AKT3: variants seen among roughly 807,000 people sequenced by gnomAD.
The protein encoded by AKT3 is RAC-gamma serine/threonine-protein kinase.
In AKT3, 15 loss-of-function variants were observed where a neutral mutation model predicts 65.3. The observed-to-expected ratio is 0.23, with a 90% CI of 0.15 to 0.35. The LOEUF (loss-of-function observed/expected upper bound fraction) is 0.35, where lower values mean the gene tolerates loss of function less well. Ranked by LOEUF, AKT3 falls within the 10% of genes least tolerant of loss-of-function variation. The pLI is 1.00. For missense variants in AKT3, 243 were observed against 576.5 expected, an observed-to-expected ratio of 0.42 and a Z score of 5.92; for synonymous variants, 206 against 183.8, an observed-to-expected ratio of 1.12 and a Z score of -0.98.
Position 243,632,704 on chromosome 1 carries a change from T to C in AKT3, c.561+4907A>G, listed in dbSNP as rs563942712. ...TACATGGAAAATCTGTGGTTTCGTG[T>C]AGTCATCTTCACCAATTATTTAGCT... On this transcript the variant is annotated intron_variant, in intron 6 of 13. Transcript: ENST00000673466. Among the ~76,000 whole-genome samples the C allele has an allele frequency of 3.2e-4, 48 of 152,338 alleles. 1 individual carries two copies. The highest frequency in any genetic ancestry group is 1.0e-3 in the African/African-American group (43 of 41,582).
At chr1:243,528,428 T>C (rs1671302306) in intron 12 of AKT3, among the ~76,000 whole-genome samples, 1 of 152,170 alleles carries the variant, frequency 6.6e-6, no homozygotes, top group African/African-American at 2.4e-5. Flanking sequence ...ACCCAGATAA[T>C]AAGCACAGTA....
At chr1:243,593,914 C>T (rs1234656275) in intron 8 of AKT3, among the ~76,000 whole-genome samples, 1 of 152,146 alleles carries the variant, frequency 6.6e-6, no homozygotes, top group African/African-American at 2.4e-5. Flanking sequence ...TTCAACACTG[C>T]ACTAGCAGTC....
At chr1:243,662,423 G>A (rs1201446210) in intron 4 of AKT3, among the ~76,000 whole-genome samples, 2 of 151,822 alleles carry the variant, frequency 1.3e-5, no homozygotes, top group Non-Finnish European at 2.9e-5. Context: ...GGATGAAATT[G>A]GAAATCATCA....
intron 6 of AKT3, among the ~76,000 whole-genome samples, chr1:243,620,752 C>T (rs1245481570): frequency 6.6e-6 from 1 of 152,100 alleles, no homozygotes; most frequent in East Asian, 1.9e-4. Flanking sequence ...TAACTACAAA[C>T]ATTATTGCGC....
intron 12 of AKT3, among the ~76,000 whole-genome samples, chr1:243,521,304 G>C (rs1574526901): frequency 6.6e-6 from 1 of 152,202 alleles, no homozygotes; most frequent in East Asian, 1.9e-4. Flanking sequence ...AGATTTCCCA[G>C]AGACAGTAAT....
chr1:243,652,868 T>C lies in AKT3; in HGVS notation c.285-6831A>G, dbSNP rs571401479. Among the ~76,000 whole-genome samples, 160 of 147,362 alleles carry C rather than the reference T, an allele frequency of 1.1e-3. 1 individual carries two copies. The highest frequency in any genetic ancestry group is 3.9e-3 in the African/African-American group (157 of 39,804). On this transcript the variant is annotated intron_variant, in intron 4 of 13. Coordinates refer to ENST00000673466, the MANE Select transcript of AKT3 (RefSeq NM_005465.7). ...AGATCATAAGAGACAAAGAAAGGCATTACATAATGGTAAAGGGATCGATGC... is the reference window on the plus strand; with the variant it reads ...AGATCATAAGAGACAAAGAAAGGCACTACATAATGGTAAAGGGATCGATGC...
chr1:243,772,500 T>C (rs368734697), intron 2 of AKT3, among the ~76,000 whole-genome samples: 6 of 152,152 alleles, frequency 3.9e-5, no homozygotes, highest in African/African-American at 7.2e-5. Context: ...TCATCTCACA[T>C]CAGTTAGAAT....
At chr1:243,540,579 A>G (rs537020113) in intron 12 of AKT3, among the ~76,000 whole-genome samples, 4 of 152,294 alleles carry the variant, frequency 2.6e-5, no homozygotes, top group African/African-American at 9.6e-5. Context: ...CTTCCTCTGT[A>G]TCTTGTATAG....
intron 8 of AKT3, among the ~76,000 whole-genome samples, chr1:243,585,980 C>CT (rs1161870078): frequency 2.0e-5 from 3 of 152,114 alleles, no homozygotes; most frequent in Non-Finnish European, 4.4e-5. Flanking sequence ...CATAAACTAT[C>CT]TGACAAAGGT....
At chr1:243,506,241 G>A (rs1669659441) in intron 13 of AKT3, among the ~76,000 whole-genome samples, 1 of 152,208 alleles carries the variant, frequency 6.6e-6, no homozygotes, top group Non-Finnish European at 1.5e-5. Flanking sequence ...TCCTGGGGGA[G>A]GTGCTCCATT....
intron 9 of AKT3, among the ~76,000 whole-genome samples, chr1:243,566,978 A>C (rs984425884): frequency 6.6e-6 from 1 of 152,188 alleles, no homozygotes; most frequent in Non-Finnish European, 1.5e-5. Flanking sequence ...GCAATAATTT[A>C]TTTTAAGTAA....
rs192366157 is a variant in AKT3 at position 243,546,360 on chromosome 1, T to C, written c.1164-763A>G. On this transcript the variant is annotated intron_variant, in intron 11 of 13. Transcript: ENST00000673466. ...AGAAATTTCAGTGTTTTCTGGCTTA[T>C]TCAGTTTAATATAGTATATATTACT... is the stretch of plus-strand genomic sequence containing the variant. Among the ~76,000 whole-genome samples the C allele has an allele frequency of 1.7e-4, 26 of 152,226 alleles. No individual in the cohort carries two copies. The East Asian group carries it at 4.4e-3, about 26-fold the overall frequency.
intron 4 of AKT3, among the ~76,000 whole-genome samples, chr1:243,654,605 C>CACA (rs1195791254): frequency 6.6e-6 from 1 of 152,166 alleles, no homozygotes; most frequent in Non-Finnish European, 1.5e-5. Flanking sequence ...AGGCATAAGA[C>CACA]ACAATGCCCA....
chr1:243,585,455 A>C (rs1261805725), intron 8 of AKT3, among the ~76,000 whole-genome samples: 1 of 152,184 alleles, frequency 6.6e-6, no homozygotes, highest in Non-Finnish European at 1.5e-5. Flanking sequence ...CAAAAAGAAG[A>C]AAGCTAGAGG....
At chr1:243,619,410 T>C (rs1260526929) in intron 6 of AKT3, among the ~76,000 whole-genome samples, 1 of 152,108 alleles carries the variant, frequency 6.6e-6, no homozygotes, top group African/African-American at 2.4e-5. Flanking sequence ...CAGTAGGTGG[T>C]TGTTAACTAT....
intron 2 of AKT3, among the ~76,000 whole-genome samples, chr1:243,730,043 C>T (rs1473455933): frequency 1.3e-5 from 2 of 152,198 alleles, no homozygotes; most frequent in Admixed American, 6.5e-5. Flanking sequence ...AGGGCACACA[C>T]AGCATGAAGC....
At chr1:243,489,180 G>A (rs201090097) in intron 13 of AKT3, 5 of 1,605,682 alleles carry the variant, frequency 3.1e-6, no homozygotes, top group African/African-American at 1.3e-5. Context: ...GTCCTTGGGC[G>A]GGCGTCTACA....
chr1:243,650,273 T>C (rs1681205778), intron 4 of AKT3, among the ~76,000 whole-genome samples: 1 of 152,218 alleles, frequency 6.6e-6, no homozygotes, highest in Non-Finnish European at 1.5e-5. Flanking sequence ...TTCTTATAAA[T>C]TTGTTTAAGT....
chr1:243,757,360 G>A (rs1329336134), intron 2 of AKT3, among the ~76,000 whole-genome samples: 2 of 152,242 alleles, frequency 1.3e-5, no homozygotes, highest in Admixed American at 6.5e-5. Flanking sequence ...GCTCATGCCT[G>A]TAAACCCAGC....
Sources: gnomAD v4.1 joint callset for allele counts (sites outside exome capture counted in the v4.1 genomes callset) on GRCh38, gnomAD v4.1.1 for gene constraint, MANE v1.5 for transcripts, NCBI Gene and HGNC (gene_info 2026-07-23, HGNC 2026-07-21) for gene names.